The following BRD2 variants were observed in gnomAD, a reference collection of about 807,000 sequenced individuals.
The protein encoded by BRD2 is bromodomain containing 2.
In BRD2, 15 loss-of-function variants were observed where a neutral mutation model predicts 79.1. The observed-to-expected ratio is 0.19, with a 90% CI of 0.13 to 0.29. BRD2 has a LOEUF of 0.29. Among genes scored for constraint, BRD2 ranks in the 10% least tolerant of loss-of-function variants. The pLI, the probability that BRD2 is intolerant of heterozygous loss-of-function variation, is 1.00. For synonymous variants in BRD2, 488 were observed against 358.6 expected, an observed-to-expected ratio of 1.36 and a Z score of -4.08; for missense variants, 1,053 against 991.3, an observed-to-expected ratio of 1.06 and a Z score of -0.84.
rs1440291587 is a variant in BRD2, at chr6:32,980,606, C to T, written c.2294C>T (p.Ser765Phe). 1 of 1,613,180 alleles carries T rather than the reference C, an allele frequency of 6.2e-7. No homozygotes were observed. The highest frequency in any genetic ancestry group is 2.2e-5 in the East Asian group (1 of 44,890). Residue 765 changes from serine (S) to phenylalanine (F), a missense_variant, in exon 13 of 13, where the codon TCT becomes TTT. Physicochemically the swap from Ser to Phe is radical, Grantham distance 155. Coordinates refer to ENST00000374825, the MANE Select transcript of BRD2 (RefSeq NM_005104.4). The part of the protein sequence containing the change: ...KKANEKTESS[S>F]AQQVAVSRLS... ...GCGAATGAGAAAACAGAGTCATCCT[C>T]TGCACAGCAAGTAGCAGTGTCACGC...
Position 32,977,762 on chromosome 6 carries a change from A to G in BRD2, c.1335A>G (p.Val445=), listed in dbSNP as rs758973082. 1.2e-6 allele frequency: 2 copies of G among 1,613,008 alleles called. No individual in the cohort carries two copies. Among genetic ancestry groups the G allele is most frequent in the Admixed American group, 1.7e-5 (1 of 60,024 alleles). Residue 445 remains valine, a synonymous_variant, in exon 9 of 13, where the codon GTA becomes GTG. Transcript: ENST00000374825. ...GAGTTTGTGCCTCTTTGTAGGATGT[A>G]TTTGAGTTCCGTTATGCCAAGATGC... ...VVAMARKLQD[V]FEFRYAKMPD...
chr6:32,973,965 C>T (rs911641443), intron 2 of BRD2, among the ~76,000 whole-genome samples: 1 of 152,144 alleles, frequency 6.6e-6, no homozygotes, highest in Non-Finnish European at 1.5e-5. Flanking sequence ...GCTCTCTCTT[C>T]TATCTAGGTG....
rs200803710 is a variant in BRD2, at chr6:32,977,777, T to C, written c.1350T>C (p.Tyr450=). The change falls in exon 9 of 13, where the codon TAT becomes TAC. Residue 450 remains tyrosine (Y), a synonymous_variant. Transcript: ENST00000374825. ...RKLQDVFEFR[Y]AKMPDEPLEP... The stretch of plus-strand genomic sequence containing the variant: ...TGTAGGATGTATTTGAGTTCCGTTA[T>C]GCCAAGATGCCAGATGAACCACTAG... 22 of 1,612,998 alleles carry C rather than the reference T, an allele frequency of 1.4e-5. No individual in the cohort carries two copies. In the East Asian group the frequency reaches 1.8e-4, roughly 13 times the overall value.
chr6:32,975,593 C>T (rs1399763536), intron 4 of BRD2, 72 bp downstream of exon 4: 3 of 1,565,088 alleles, frequency 1.9e-6, no homozygotes, highest in African/African-American at 2.7e-5. Flanking sequence ...GATATGTTGT[C>T]TACATAAAGT....
intron 10 of BRD2, chr6:32,979,542 A>G: frequency 9.0e-6 from 4 of 443,796 alleles, no homozygotes; most frequent in Non-Finnish European, 1.6e-5. Context: ...CAAGTCTTTC[A>G]ACAGTTTTTC....
intron 1 of BRD2, chr6:32,970,810 G>A (rs867406437): frequency 4.6e-5 from 7 of 152,520 alleles, no homozygotes; most frequent in African/African-American, 1.4e-4. Flanking sequence ...AAGTTGGGGG[G>A]AGGGGGCGAA....
intron 11 of BRD2, 41 bp downstream of exon 11, chr6:32,980,173 G>A: frequency 6.3e-7 from 1 of 1,590,842 alleles, no homozygotes; most frequent in Non-Finnish European, 8.6e-7. Context: ...TCTGAGGACA[G>A]TTGAGGAAAG....
intron 7 of BRD2, 45 bp downstream of exon 7, chr6:32,976,981 A>G (rs912815635): frequency 1.9e-6 from 3 of 1,558,524 alleles, no homozygotes; most frequent in Non-Finnish European, 2.6e-6. Context: ...CAGTGATGGG[A>G]GCCTAGGTGC....
chr6:32,973,009 T>C, intron 2 of BRD2, 82 bp downstream of exon 2: 3 of 1,613,402 alleles, frequency 1.9e-6, no homozygotes, highest in Non-Finnish European at 2.5e-6. Context: ...TTGGGAGTAC[T>C]GAGCGGCCCC....
intron 6 of BRD2, 41 bp from the exon 7 acceptor site, chr6:32,976,521 G>A: frequency 6.3e-7 from 1 of 1,594,830 alleles, no homozygotes; most frequent in Non-Finnish European, 8.5e-7. Context: ...AAGTAAAGTG[G>A]GCTTGGAGTG....
Position 32,969,020 on chromosome 6 carries a change from C to T in BRD2, c.-1341C>T. ...TACATACCCCGTACCAAGCCGAGGG[C>T]AACTTTGGAGGCCCCCTGGAAGGCT... On this transcript the variant is annotated 5_prime_UTR_variant, in exon 1 of 13. Coordinates refer to ENST00000374825, the MANE Select transcript of BRD2 (RefSeq NM_005104.4). The T allele has an allele frequency of 3.0e-6, 1 of 333,824 alleles. No individual in the cohort carries two copies. The allele number at this position is 333,824 out of a possible 1,614,324, so 20.7% of individuals were successfully genotyped here.
intron 2 of BRD2, among the ~76,000 whole-genome samples, chr6:32,973,852 C>T (rs890336585): frequency 5.3e-5 from 8 of 152,098 alleles, no homozygotes; most frequent in Admixed American, 4.6e-4. Flanking sequence ...CTGACAAATT[C>T]TTCCTTGTCT....
chr6:32,977,395 G>A (rs1561948331), intron 7 of BRD2, 47 bp from the exon 8 acceptor site: 2 of 1,613,044 alleles, frequency 1.2e-6, no homozygotes, highest in Non-Finnish European at 1.7e-6. Context: ...GCAGGGAAAG[G>A]TGAGTCTTCC....
Position 32,976,188 on chromosome 6 carries a change from T to G in BRD2, c.610+19T>G. The G allele has an allele frequency of 1.9e-6, 3 of 1,585,266 alleles. No individual in the cohort carries two copies. The highest frequency in any genetic ancestry group is 1.5e-5 in the African/African-American group (1 of 66,288). ...TTGGCAGGTAGGAAGAGTGGGAGTT[T>G]TGCAAATGGACAACTAAAGATGGGG... On this transcript the variant is annotated intron_variant, in intron 5 of 12. Coordinates refer to ENST00000374825, the MANE Select transcript of BRD2 (RefSeq NM_005104.4).
In BRD2 at chr6:32,972,070, C is replaced by A. The variant is rs1049507229; in HGVS notation, c.-829C>A. On this transcript the variant is annotated 5_prime_UTR_variant, in exon 2 of 13. Coordinates refer to ENST00000374825, the MANE Select transcript of BRD2 (RefSeq NM_005104.4). The stretch of plus-strand genomic sequence containing the variant: ...TGTTCCTTCCCCTTCGACTCAGCTT[C>A]TTCACCCGCGTGAGCGAGCGCGCGC... The A allele has an allele frequency of 1.4e-6, 1 of 698,444 alleles. No individual in the cohort carries two copies. The highest frequency in any genetic ancestry group is 2.6e-6 in the Non-Finnish European group (1 of 382,950). The allele number at this position is 698,444 out of a possible 1,614,324, so 43.3% of individuals were successfully genotyped here.
rs565907199 is a variant in BRD2, at chr6:32,972,222, G to T, written c.-677G>T. The T allele has an allele frequency of 4.9e-4, 254 of 516,160 alleles. 1 individual carries two copies. In the Middle Eastern group the frequency reaches 5.4e-3, roughly 11 times the overall value. 32.0% of individuals were successfully genotyped at this position (516,160 alleles called of 1,614,324 possible). ...CGCCATTTCGTGCTGGAGTGGAGCA[G>T]CCTCTAGAACGAGCTGGAGGATTCT... On this transcript the variant is annotated 5_prime_UTR_variant, in exon 2 of 13. Transcript: ENST00000374825.
At chr6:32,974,840 G>A in intron 3 of BRD2, 75 bp downstream of exon 3, 2 of 1,538,170 alleles carry the variant, frequency 1.3e-6, no homozygotes, top group Non-Finnish European at 1.8e-6. Flanking sequence ...TCTGCCTAGT[G>A]TAGATGCTGC....
In BRD2 at chr6:32,976,561, G is replaced by GA. The variant is rs1474133237; in HGVS notation, c.831dup (p.Gly278ArgfsTer24). On this transcript the variant is annotated frameshift_variant and splice_region_variant. Transcript: ENST00000374825. LOFTEE classifies it high-confidence loss of function. ...GTTCCCTATCTTGTTTCTTTCTGCA[G>GA]AAAAAAGGCGTAAAGCGGAAAGCAG... 2 of 1,591,044 alleles carry GA rather than the reference G, an allele frequency of 1.3e-6. No homozygotes were observed. Among genetic ancestry groups the GA allele is most frequent in the Non-Finnish European group, 8.5e-7 (1 of 1,170,098 alleles).
chr6:32,977,459 T>A lies in BRD2; in HGVS notation c.1218T>A (p.Arg406=), dbSNP rs751627863. Residue 406 remains arginine, a synonymous_variant, in exon 8 of 13, where the codon CGT becomes CGA. Coordinates refer to ENST00000374825, the MANE Select transcript of BRD2 (RefSeq NM_005104.4). The part of the protein sequence containing the change: ...LSTVKRKMEN[R]DYRDAQEFAA... Reference sequence around the variant, plus strand: ...TTCTGCAGCGGAAGATGGAGAACCGTGATTACCGGGATGCACAGGAGTTTG... The same window carrying A: ...TTCTGCAGCGGAAGATGGAGAACCGAGATTACCGGGATGCACAGGAGTTTG... 7 of 1,613,848 alleles carry A rather than the reference T, an allele frequency of 4.3e-6. No individual in the cohort carries two copies. The African/African-American group carries it at 9.3e-5, about 22-fold the overall frequency.
Sources: allele counts gnomAD v4.1 joint callset (sites outside exome capture counted in the v4.1 genomes callset), GRCh38; gene constraint gnomAD v4.1.1; transcripts MANE v1.5; gene names NCBI Gene and HGNC (gene_info 2026-07-23, HGNC 2026-07-21).